TRMT13: variants seen among roughly 807,000 people sequenced by gnomAD.
TRMT13 encodes the protein tRNA methyltransferase 13.
TRMT13 carries 45 observed loss-of-function variants against 55.9 expected under a neutral mutation model. The observed-to-expected ratio is 0.80, with a 90% CI of 0.63 to 1.03. TRMT13 has a LOEUF of 1.03. Among genes scored for constraint, TRMT13 ranks in the 50% least tolerant of loss-of-function variants. The pLI, the probability that TRMT13 is intolerant of heterozygous loss-of-function variation, is 0.00. For synonymous variants in TRMT13, 183 were observed against 196.3 expected (o/e 0.93, Z 0.57); for missense variants, 513 against 563.9 (o/e 0.91, Z 0.91).
chr1:100,143,252 CTG>C (rs748121526), intron 8 of TRMT13, 43 bp downstream of exon 8: 554 of 1,300,482 alleles, frequency 4.3e-4, no homozygotes, highest in Non-Finnish European at 5.6e-4. Flanking sequence ...TAAATCATAA[CTG>C]TTTTAAACTC....
At chr1:100,136,457 T>C (rs1655878934) in intron 1 of TRMT13, among the ~76,000 whole-genome samples, 1 of 152,238 alleles carries the variant, frequency 6.6e-6, no homozygotes. Context: ...ATATTATTTT[T>C]ATTGCCATAA....
chr1:100,141,076 C>G lies in TRMT13; in HGVS notation c.669+57C>G. On this transcript the variant is annotated intron_variant, in intron 7 of 10. Transcript: ENST00000370141. The stretch of plus-strand genomic sequence containing the variant: ...CAAACTTGTTTTCATTTTTTGTATT[C>G]AGGAAAAAAGTGATAGAAACATTTC... The G allele has an allele frequency of 6.3e-6, 9 of 1,431,822 alleles. No individual in the cohort carries two copies. In the South Asian group the frequency reaches 1.4e-4, roughly 22 times the overall value. 88.7% of individuals were successfully genotyped at this position (1,431,822 alleles called of 1,614,324 possible).
Position 100,135,395 on chromosome 1 carries a change from TTTC to T in TRMT13, c.148-1484_148-1482del, listed in dbSNP as rs1247215274. ...ATATATAGTATTTTCAAAAAAAAAA[TTTC>T]TTAGCTTTCCCATGAAATTCAGTGT... On this transcript the variant is annotated intron_variant, in intron 1 of 10. Coordinates refer to ENST00000370141, the MANE Select transcript of TRMT13 (RefSeq NM_019083.3). 4.0e-5 allele frequency among the ~76,000 whole-genome samples: 6 copies of T among 151,006 alleles called. No individual in the cohort carries two copies. In the East Asian group the frequency reaches 1.2e-3, roughly 29 times the overall value.
intron 3 of TRMT13, among the ~76,000 whole-genome samples, chr1:100,137,871 G>GA (rs1426176383): frequency 6.6e-6 from 1 of 152,168 alleles, no homozygotes; most frequent in East Asian, 1.9e-4. Flanking sequence ...TGGTGTAGAA[G>GA]AAAAATGATG....
At chr1:100,133,806 G>A (rs1225835749) in intron 1 of TRMT13, among the ~76,000 whole-genome samples, 1 of 152,190 alleles carries the variant, frequency 6.6e-6, no homozygotes, top group African/African-American at 2.4e-5. Context: ...AGCACTTTGG[G>A]AGGCCGAGGC....
Position 100,149,264 on chromosome 1 carries a change from C to T in TRMT13, c.*444C>T. 28 of 1,515,552 alleles carry T rather than the reference C, an allele frequency of 1.8e-5. No homozygotes were observed. The highest frequency in any genetic ancestry group is 2.5e-5 in the Non-Finnish European group (28 of 1,137,360). The allele number at this position is 1,515,552 out of a possible 1,614,324, so 93.9% of individuals were successfully genotyped here. ...TCTGAGAATTTGACTTATATGTGGA[C>T]ATTTTTCCCTACAGATCTGGAAAGC... is the stretch of plus-strand genomic sequence containing the variant. On this transcript the variant is annotated 3_prime_UTR_variant, in exon 11 of 11. Transcript: ENST00000370141.
intron 3 of TRMT13, among the ~76,000 whole-genome samples, chr1:100,138,427 T>TC (rs1379421839): frequency 6.6e-6 from 1 of 152,238 alleles, no homozygotes; most frequent in African/African-American, 2.4e-5. Context: ...ATAGTTTTTT[T>TC]CCGTTATCCA....
intron 9 of TRMT13, 119 bp from the exon 10 acceptor site, chr1:100,147,775 A>G: frequency 1.2e-6 from 1 of 861,210 alleles, no homozygotes; most frequent in Non-Finnish European, 1.7e-6. Context: ...TATAAAGCTG[A>G]GTAGGTTTTT....
chr1:100,139,411 T>C (rs1266959800), intron 3 of TRMT13, among the ~76,000 whole-genome samples: 1 of 152,184 alleles, frequency 6.6e-6, no homozygotes, highest in Non-Finnish European at 1.5e-5. Flanking sequence ...CACTAGAATA[T>C]AAGATCCACG....
At chr1:100,142,610 G>T (rs563931901) in intron 7 of TRMT13, among the ~76,000 whole-genome samples, 2 of 152,268 alleles carry the variant, frequency 1.3e-5, no homozygotes, top group South Asian at 4.2e-4. Flanking sequence ...GGATGGTTTT[G>T]GAGACAGAAA....
chr1:100,149,164 A>G lies in TRMT13; in HGVS notation c.*344A>G. On this transcript the variant is annotated 3_prime_UTR_variant, in exon 11 of 11. Transcript: ENST00000370141. Reference sequence around the variant, plus strand: ...CTGTTTGTATTAATTTTGGAAATTTATCTTCCTTTGATTTTATTTAATATT... The same window carrying G: ...CTGTTTGTATTAATTTTGGAAATTTGTCTTCCTTTGATTTTATTTAATATT... The G allele has an allele frequency of 6.4e-7, 1 of 1,555,848 alleles. No individual in the cohort carries two copies. The highest frequency in any genetic ancestry group is 1.2e-5 in the South Asian group (1 of 80,710).
intron 6 of TRMT13, 33 bp from the exon 7 acceptor site, chr1:100,140,814 TTACTC>T: frequency 2.5e-6 from 4 of 1,575,314 alleles, no homozygotes; most frequent in East Asian, 2.2e-5. Flanking sequence ...CCAAATGTGT[TTACTC>T]TAGTTTATAA....
intron 8 of TRMT13, 130 bp downstream of exon 8, chr1:100,143,339 A>G (rs1181949596): frequency 3.6e-6 from 2 of 550,772 alleles, no homozygotes; most frequent in African/African-American, 3.8e-5. Context: ...TTGTTAATAT[A>G]GAATGTTTTA....
intron 10 of TRMT13, 27 bp from the exon 11 acceptor site, chr1:100,148,595 CAAT>C: frequency 6.4e-7 from 1 of 1,571,834 alleles, no homozygotes; most frequent in Non-Finnish European, 8.6e-7. Context: ...AAAATTTTAA[CAAT>C]GTTTTGTGTG....
In TRMT13 at chr1:100,133,310, G is replaced by A. The variant is rs472498; in HGVS notation, c.142G>A (p.Ala48Thr). 0.84 allele frequency: 1,352,921 copies of A among 1,612,804 alleles called. 574,372 individuals carry two copies. The highest frequency in any genetic ancestry group is 0.94 in the East Asian group (42,308 of 44,786). Residue 48 changes from alanine to threonine, a missense_variant, in exon 1 of 11, where the codon GCG becomes ACG. Physicochemically the swap from Ala to Thr is moderately conservative, Grantham distance 58 (BLOSUM62 0). Around this residue, in one of 3 missense-constraint regions of TRMT13, gnomAD observed 298 missense variants for 290.3 expected, o/e 1.03. Transcript: ENST00000370141. ...KRFCGEHAGA[A>T]EEEDARKRIL... Reference sequence around the variant, plus strand: ...ATTTTGTGGTGAACACGCTGGAGCCGCGGAGGTGTGGTATCGCCCTACTCT... The same window carrying A: ...ATTTTGTGGTGAACACGCTGGAGCCACGGAGGTGTGGTATCGCCCTACTCT...
At chr1:100,137,882 A>G (rs1030328153) in intron 3 of TRMT13, among the ~76,000 whole-genome samples, 5 of 152,134 alleles carry the variant, frequency 3.3e-5, no homozygotes, top group Admixed American at 3.3e-4. Flanking sequence ...AAAAATGATG[A>G]CCCTCACCAC....
Position 100,148,685 on chromosome 1 carries a change from A to G in TRMT13, c.1311A>G (p.Gln437=). ...ATCTTTGTAAATTGCTGATTGACCA[A>G]GGTCGAATCCAGTATTTGCAGCAGA... ...IGHLCKLLID[Q]GRIQYLQQKG... Residue 437 remains glutamine (Q), a synonymous_variant, in exon 11 of 11, where the codon CAA becomes CAG. Coordinates refer to ENST00000370141, the MANE Select transcript of TRMT13 (RefSeq NM_019083.3). The G allele has an allele frequency of 6.2e-7, 1 of 1,613,404 alleles. No homozygotes were observed. Among genetic ancestry groups the G allele is most frequent in the African/African-American group, 1.3e-5 (1 of 75,040 alleles).
intron 9 of TRMT13, among the ~76,000 whole-genome samples, chr1:100,147,651 T>C (rs1333362789): frequency 1.3e-5 from 2 of 152,218 alleles, no homozygotes; most frequent in Admixed American, 6.5e-5. Flanking sequence ...ATCTTAAGCT[T>C]CAGATAGCTT....
intron 3 of TRMT13, among the ~76,000 whole-genome samples, chr1:100,138,663 T>A (rs1460046122): frequency 6.6e-6 from 1 of 152,212 alleles, no homozygotes; most frequent in Non-Finnish European, 1.5e-5. Flanking sequence ...CAAGAGTTAT[T>A]TTCACTTTTG....
Sources: gnomAD v4.1 joint callset for allele counts (sites outside exome capture counted in the v4.1 genomes callset) on GRCh38, gnomAD v4.1.1 for gene constraint, gnomAD v4.1.1 regional missense constraint, MANE v1.5 for transcripts, NCBI Gene and HGNC (gene_info 2026-07-23, HGNC 2026-07-21) for gene names.